DNAH12: variants seen among roughly 807,000 people sequenced by gnomAD.
DNAH12 encodes dynein axonemal heavy chain 12, also known as axonemal beta dynein heavy chain 12.
A neutral mutation model predicts 371.5 loss-of-function variants in DNAH12; 285 were observed. The observed-to-expected ratio is 0.77, with a 90% CI of 0.70 to 0.85. DNAH12 has a LOEUF of 0.85. Ranked by LOEUF, DNAH12 falls within the 40% of genes least tolerant of loss-of-function variation. DNAH12 has a pLI of 0.00. For missense variants in DNAH12, 3,611 were observed against 3,689.4 expected, an observed-to-expected ratio of 0.98 and a Z score of 0.55; for synonymous variants, 1,200 against 1,213.0, an observed-to-expected ratio of 0.99 and a Z score of 0.22.
intron 40 of DNAH12, among the ~76,000 whole-genome samples, chr3:57,407,926 T>C (rs1183607243): frequency 2.0e-5 from 3 of 152,168 alleles, no homozygotes; most frequent in Non-Finnish European, 2.9e-5. Flanking sequence ...AAACGACAAG[T>C]ACCAGAGTAG....
intron 46 of DNAH12, among the ~76,000 whole-genome samples, chr3:57,386,807 C>T (rs1357458): frequency 0.65 from 98,505 of 152,076 alleles, 32,702 homozygotes; most frequent in Non-Finnish European, 0.74. Context: ...GTGACATATT[C>T]AAAAGGCACA....
chr3:57,428,430 T>C (rs1352955191), intron 34 of DNAH12: 2 of 1,522,294 alleles, frequency 1.3e-6, no homozygotes, highest in Non-Finnish European at 8.8e-7. Flanking sequence ...ACACTATGGT[T>C]GTATACAAAT....
chr3:57,353,765 T>C (rs1385890075), intron 59 of DNAH12, among the ~76,000 whole-genome samples: 2 of 151,908 alleles, frequency 1.3e-5, no homozygotes, highest in African/African-American at 2.4e-5. Flanking sequence ...CCAAAAAGCA[T>C]ATGAAAAAAT....
chr3:57,379,400 A>G (rs1284378411), intron 51 of DNAH12, 102 bp from the exon 52 acceptor site: 1 of 152,246 alleles, frequency 6.6e-6, no homozygotes, highest in Non-Finnish European at 1.5e-5. Context: ...AAAAAAGTTA[A>G]TGTTGGCTTT....
chr3:57,313,312 G>A (rs1233718523), intron 66 of DNAH12, among the ~76,000 whole-genome samples: 4 of 151,970 alleles, frequency 2.6e-5, no homozygotes, highest in African/African-American at 4.8e-5. Flanking sequence ...CCTGGACAAC[G>A]TAGCAAGACC....
intron 55 of DNAH12, among the ~76,000 whole-genome samples, chr3:57,372,383 A>C (rs2063193483): frequency 6.6e-6 from 1 of 152,098 alleles, no homozygotes; most frequent in Admixed American, 6.6e-5. Flanking sequence ...GAAATGTGAA[A>C]CCAAACAGAA....
At chr3:57,323,791 TAGG>T (rs758540284) in intron 62 of DNAH12, among the ~76,000 whole-genome samples, 172 bp from the exon 63 acceptor site, 368 of 152,312 alleles carry the variant, frequency 2.4e-3, no homozygotes, top group Non-Finnish European at 4.3e-3. Context: ...TATACATTTA[TAGG>T]AGAAGACTAT....
intron 19 of DNAH12, among the ~76,000 whole-genome samples, chr3:57,461,149 A>C (rs559153420): frequency 6.6e-6 from 1 of 152,326 alleles, no homozygotes; most frequent in East Asian, 1.9e-4. Context: ...TGGTTACTAC[A>C]AGTTACAAGA....
Position 57,429,748 on chromosome 3 carries a change from A to T in DNAH12, c.5007T>A (p.Ile1669=). ...KKLCLMSGEI[I]QMSPQMSLIF... is the part of the protein sequence containing the mutation. ...TGAGGCTCATTTGGGGGGACATCTGAATGATTTCTCCACTCATAAGGCAAA... is the reference window on the plus strand; with the variant it reads ...TGAGGCTCATTTGGGGGGACATCTGTATGATTTCTCCACTCATAAGGCAAA... The change falls in exon 33 of 74, where the codon ATT becomes ATA. Residue 1669 remains isoleucine, a synonymous_variant. Transcript: ENST00000495027. 6.5e-7 allele frequency: 1 copy of T among 1,531,298 alleles called. No individual in the cohort carries two copies. The highest frequency in any genetic ancestry group is 1.4e-5 in the African/African-American group (1 of 72,068). The allele number at this position is 1,531,298 out of a possible 1,614,324, so 94.9% of individuals were successfully genotyped here.
intron 70 of DNAH12, among the ~76,000 whole-genome samples, chr3:57,298,416 T>A (rs376595878): frequency 6.6e-6 from 1 of 152,316 alleles, no homozygotes; most frequent in South Asian, 2.1e-4. Context: ...GAATGGAGTT[T>A]ACCCAAAGGG....
chr3:57,515,702 A>G (rs2068167413), intron 4 of DNAH12, among the ~76,000 whole-genome samples: 1 of 152,194 alleles, frequency 6.6e-6, no homozygotes, highest in South Asian at 2.1e-4. Context: ...TGAATGAATA[A>G]GCGAAGAAAA....
Position 57,468,770 on chromosome 3 carries a change from C to T in DNAH12, c.2315G>A (p.Cys772Tyr). The T allele has an allele frequency of 6.6e-7, 1 of 1,521,084 alleles. No homozygotes were observed. The highest frequency in any genetic ancestry group is 2.5e-5 in the East Asian group (1 of 40,704). 94.2% of individuals were successfully genotyped at this position (1,521,084 alleles called of 1,614,324 possible). A position where few individuals can be genotyped will look rare whatever the true frequency, so the allele number is the denominator to read the frequency against. Residue 772 changes from cysteine to tyrosine, a missense_variant, in exon 17 of 74, where the codon TGC becomes TAC. Cys to Tyr is a radical substitution (Grantham distance 194). Coordinates refer to ENST00000495027, the MANE Select transcript of DNAH12 (RefSeq NM_001366028.2). ...TTTTATCTGTTCCATGACTGTACTG[C>T]ACATAGTAATAGTAGCATTGTCTTT... ...EPKDNATITM[C>Y]STVMEQIKAF...
rs1575414353 is a variant in DNAH12 at position 57,298,300 on chromosome 3, T to C, written c.11395-1316A>G. On this transcript the variant is annotated intron_variant, in intron 70 of 73. Coordinates refer to ENST00000495027, the MANE Select transcript of DNAH12 (RefSeq NM_001366028.2). Reference sequence around the variant, plus strand: ...ATCAAAGCCAGAGATGCAGAAACTCTTGCTGGGACTTTCGGAGAAAAGACT... The same window carrying C: ...ATCAAAGCCAGAGATGCAGAAACTCCTGCTGGGACTTTCGGAGAAAAGACT... 4.6e-5 allele frequency among the ~76,000 whole-genome samples: 7 copies of C among 152,314 alleles called. 2 individuals are homozygous for C. The South Asian group carries it at 1.4e-3, about 32-fold the overall frequency.
intron 72 of DNAH12, 124 bp from the exon 73 acceptor site, chr3:57,295,716 T>G: frequency 1.3e-6 from 1 of 783,534 alleles, no homozygotes. Context: ...AAAAGAAATG[T>G]AAAAAAAGAA....
intron 59 of DNAH12, among the ~76,000 whole-genome samples, chr3:57,356,007 C>T (rs1279380910): frequency 6.6e-6 from 1 of 152,092 alleles, no homozygotes; most frequent in African/African-American, 2.4e-5. Context: ...AAAATTGAGG[C>T]AATTACCTCA....
At chr3:57,376,347 C>T (rs2063281709) in intron 53 of DNAH12, among the ~76,000 whole-genome samples, 1 of 151,992 alleles carries the variant, frequency 6.6e-6, no homozygotes, top group African/African-American at 2.4e-5. Flanking sequence ...CGAACATTTG[C>T]AATTCATTAC....
intron 58 of DNAH12, among the ~76,000 whole-genome samples, chr3:57,361,444 C>CTATATATATACACACACACACTA (rs2062930321): frequency 1.7e-5 from 2 of 116,722 alleles, no homozygotes. Context: ...CACACACACA[C>CTATATATATACACACACACACTA]TATATATATA....
chr3:57,350,510 C>CCA (rs2062647174), intron 60 of DNAH12, among the ~76,000 whole-genome samples: 1 of 152,004 alleles, frequency 6.6e-6, no homozygotes, highest in Admixed American at 6.6e-5. Flanking sequence ...TTTCCTTAGA[C>CCA]CACACACACA....
intron 73 of DNAH12, among the ~76,000 whole-genome samples, chr3:57,295,039 G>A (rs746113434): frequency 1.3e-5 from 2 of 152,190 alleles, no homozygotes; most frequent in Non-Finnish European, 2.9e-5. Context: ...GGAGGAGCAA[G>A]CAGTTTCCTA....
Sources: allele counts gnomAD v4.1 joint callset (sites outside exome capture counted in the v4.1 genomes callset), GRCh38; gene constraint gnomAD v4.1.1; transcripts MANE v1.5; gene names NCBI Gene and HGNC (gene_info 2026-07-23, HGNC 2026-07-21).